The following MCF2L variants were observed in gnomAD, a reference collection of about 807,000 sequenced individuals.
MCF2L encodes MCF.2 cell line derived transforming sequence like.
In MCF2L, 97 loss-of-function variants were observed where a neutral mutation model predicts 153.4. The observed-to-expected ratio is 0.63, with a 90% CI of 0.54 to 0.75. MCF2L has a LOEUF of 0.75. Ranked by LOEUF, MCF2L falls within the 30% of genes least tolerant of loss-of-function variation. The pLI is 0.00. For missense variants in MCF2L, 1,347 were observed against 1,495.2 expected (o/e 0.90, Z 1.64); for synonymous variants, 659 against 632.2 (o/e 1.04, Z -0.64).
chr13:113,002,160 C>G (rs2083419114), intron 1 of MCF2L, among the ~76,000 whole-genome samples: 1 of 152,188 alleles, frequency 6.6e-6, no homozygotes. Flanking sequence ...CCTCCGAGAC[C>G]AGAGGAGCCC....
rs2085869947 is a variant in MCF2L at position 113,033,246 on chromosome 13, C to CTGTGA, written c.278+8488_278+8489insTGTGA. Among the ~76,000 whole-genome samples, 2 of 140,938 alleles carry CTGTGA rather than the reference C, an allele frequency of 1.4e-5. 1 individual carries two copies. The highest frequency in any genetic ancestry group is 5.3e-5 in the African/African-American group (2 of 37,654). The allele number at this position is 140,938 out of a possible 152,430, so 92.5% of individuals were successfully genotyped here. A position where few individuals can be genotyped will look rare whatever the true frequency, so the allele number is the denominator to read the frequency against. Reference sequence around the variant, plus strand: ...GTGGCCCCCGTGACGTGAGTGGCCCCCGTGACATTAGTGGACCCCGTGGCG... The same window carrying CTGTGA: ...GTGGCCCCCGTGACGTGAGTGGCCCCTGTGACGTGACATTAGTGGACCCCGTGGCG... On this transcript the variant is annotated intron_variant, in intron 3 of 29. Transcript: ENST00000535094.
intron 2 of MCF2L, among the ~76,000 whole-genome samples, chr13:112,946,826 G>C (rs1330831367): frequency 6.6e-6 from 1 of 152,114 alleles, no homozygotes; most frequent in Non-Finnish European, 1.5e-5. Context: ...ACTTTTTCTT[G>C]CTCTTCCCAA....
intron 1 of MCF2L, among the ~76,000 whole-genome samples, chr13:112,999,390 C>T (rs569598129): frequency 2.6e-5 from 4 of 152,142 alleles, no homozygotes; most frequent in Non-Finnish European, 4.4e-5. Context: ...CTTCCCCACA[C>T]GACGCCCTCT....
Position 113,096,390 on chromosome 13 carries a change from T to C in MCF2L, c.3095T>C (p.Val1032Ala), listed in dbSNP as rs1207272921. 2.5e-6 allele frequency: 4 copies of C among 1,584,994 alleles called. No homozygotes were observed. The highest frequency in any genetic ancestry group is 3.4e-6 in the Non-Finnish European group (4 of 1,167,002). The change falls in exon 28 of 30, where the codon GTC becomes GCC. Residue 1032 changes from valine (V) to alanine (A), a missense_variant. By Grantham distance (64) the Val-to-Ala change is moderately conservative. Coordinates refer to ENST00000535094, the MANE Select transcript of MCF2L (RefSeq NM_001112732.3). ...PKKLVPGKYT[V>A]VADHEKGGPD... ...CACCAGGTTCCAGGTAAATACACGG[T>C]CGTGGCGGACCACGAGAAGGGAGGC...
chr13:113,007,821 A>C (rs1389023896), intron 1 of MCF2L, among the ~76,000 whole-genome samples: 1 of 152,202 alleles, frequency 6.6e-6, no homozygotes, highest in African/African-American at 2.4e-5. Flanking sequence ...GAAGAAGCAG[A>C]AGATCCCTGC....
chr13:113,013,986 G>T (rs979888479), intron 1 of MCF2L, among the ~76,000 whole-genome samples: 1 of 150,488 alleles, frequency 6.6e-6, no homozygotes, highest in African/African-American at 2.5e-5. Context: ...AGTGCTCCCA[G>T]CTGGTGCTGG....
Position 113,089,549 on chromosome 13 carries a change from C to T in MCF2L, c.2835-61C>T, listed in dbSNP as rs1163395287. 9.9e-6 allele frequency: 11 copies of T among 1,107,440 alleles called. 1 individual carries two copies. The highest frequency in any genetic ancestry group is 2.3e-5 in the East Asian group (1 of 42,694). The allele number at this position is 1,107,440 out of a possible 1,614,324, so 68.6% of individuals were successfully genotyped here. A position where few individuals can be genotyped will look rare whatever the true frequency, so the allele number is the denominator to read the frequency against. ...ATCTGAATGCCTCAGGTCCTCAGGG[C>T]GTTCTGAAAGACTAACCAGGCAACA... On this transcript the variant is annotated intron_variant, in intron 25 of 29. Transcript: ENST00000535094.
At position 113,085,195 on chromosome 13, in the gene MCF2L, C is replaced by A; in HGVS notation, c.2247+17C>A. The stretch of plus-strand genomic sequence containing the variant: ...CTGCTCAAGGTGGGCTCCGCGGTGA[C>A]CGTGGCCCGGCCTCCCCAGCACCTG... On this transcript the variant is annotated intron_variant, in intron 20 of 29. Transcript: ENST00000535094. The A allele has an allele frequency of 6.2e-7, 1 of 1,610,188 alleles. No individual in the cohort carries two copies. The highest frequency in any genetic ancestry group is 8.5e-7 in the Non-Finnish European group (1 of 1,178,030).
intron 4 of MCF2L, among the ~76,000 whole-genome samples, chr13:113,048,464 G>A (rs1335845481): frequency 8.3e-6 from 1 of 121,042 alleles, no homozygotes; most frequent in Non-Finnish European, 1.7e-5. Flanking sequence ...TTTTTGAGAC[G>A]GAGTCTCATT....
chr13:112,964,195 A>T (rs2081866777), intron 2 of MCF2L, among the ~76,000 whole-genome samples: 1 of 152,206 alleles, frequency 6.6e-6, no homozygotes, highest in Admixed American at 6.5e-5. Context: ...GGTTCCCTTG[A>T]GGCAGCCCCG....
At chr13:112,896,066 G>A (rs576333072) in intron 1 of MCF2L, among the ~76,000 whole-genome samples, 3 of 152,308 alleles carry the variant, frequency 2.0e-5, no homozygotes, top group South Asian at 4.1e-4. Context: ...TAGACGGTGG[G>A]CTTAGGAACC....
At chr13:112,930,478 CT>C (rs1264555182) in intron 2 of MCF2L, among the ~76,000 whole-genome samples, 1 of 152,140 alleles carries the variant, frequency 6.6e-6, no homozygotes, top group African/African-American at 2.4e-5. Context: ...CTGTGATATT[CT>C]GGAAAAGGCA....
At chr13:112,981,115 G>A (rs1320813820) in intron 1 of MCF2L, among the ~76,000 whole-genome samples, 4 of 150,522 alleles carry the variant, frequency 2.7e-5, no homozygotes, top group African/African-American at 7.4e-5. Context: ...GTGCACTGGG[G>A]ACCCCAAGAC....
intron 2 of MCF2L, among the ~76,000 whole-genome samples, chr13:112,913,886 C>A (rs3011504): frequency 0.71 from 107,850 of 152,084 alleles, 38,800 homozygotes; most frequent in South Asian, 0.84. Context: ...ACTGCAGACT[C>A]TTTCTCGCTC....
chr13:113,059,208 C>T (rs906118379), intron 4 of MCF2L, among the ~76,000 whole-genome samples: 9 of 152,212 alleles, frequency 5.9e-5, no homozygotes, highest in Non-Finnish European at 1.0e-4. Context: ...TAGAGATGAG[C>T]CCAGGTGTCC....
intron 1 of MCF2L, among the ~76,000 whole-genome samples, chr13:112,973,003 G>A (rs1429912988): frequency 3.3e-5 from 5 of 151,976 alleles, no homozygotes; most frequent in Admixed American, 3.3e-4. Context: ...CACAGGCACA[G>A]CTGTTCGGCA....
intron 4 of MCF2L, among the ~76,000 whole-genome samples, chr13:113,058,752 T>A (rs115072834): frequency 1.3e-3 from 65 of 49,190 alleles, no homozygotes; most frequent in African/African-American, 2.0e-3. Flanking sequence ...GTGGGCGCTG[T>A]GTGTTTGGGG....
At chr13:113,059,076 T>C (rs910504130) in intron 4 of MCF2L, among the ~76,000 whole-genome samples, 1 of 151,682 alleles carries the variant, frequency 6.6e-6, no homozygotes, top group Non-Finnish European at 1.5e-5. Flanking sequence ...ATTCCACAAC[T>C]GTGGAAAAGG....
In MCF2L at chr13:113,031,940, A is replaced by G. The variant is rs2085751636; in HGVS notation, c.278+7182A>G. On this transcript the variant is annotated intron_variant, in intron 3 of 29. Transcript: ENST00000535094. This position sits in a 1 kb window ranked among gnomAD's most constrained non-coding sequence, Gnocchi z 5.5. ...CATGCACTTACATACACAGATGTGCATGTGTATAACCACACACGTGCGCAC... is the reference window on the plus strand; with the variant it reads ...CATGCACTTACATACACAGATGTGCGTGTGTATAACCACACACGTGCGCAC... Among the ~76,000 whole-genome samples, 1 of 152,104 alleles carries G rather than the reference A, an allele frequency of 6.6e-6. No individual in the cohort carries two copies. Among genetic ancestry groups the G allele is most frequent in the African/African-American group, 2.4e-5 (1 of 41,384 alleles).
Sources: gnomAD v4.1 joint callset for allele counts (sites outside exome capture counted in the v4.1 genomes callset) on GRCh38, gnomAD v4.1.1 for gene constraint, Gnocchi (gnomAD v3.1) non-coding constraint, MANE v1.5 for transcripts, NCBI Gene and HGNC (gene_info 2026-07-23, HGNC 2026-07-21) for gene names.